Variants in TAF4 observed in about 807,000 individuals in gnomAD.
TAF4 encodes transcription initiation factor TFIID subunit 4.
Under a neutral mutation model 90.3 loss-of-function variants are expected in TAF4, and 9 were observed. The observed-to-expected ratio is 0.10, with a 90% CI of 0.06 to 0.17. The LOEUF (loss-of-function observed/expected upper bound fraction) is 0.17, where lower values mean the gene tolerates loss of function less well. Among genes scored for constraint, TAF4 ranks in the 10% least tolerant of loss-of-function variants. The pLI is 1.00. For missense variants in TAF4, 1,351 were observed against 1,370.7 expected (o/e 0.99, Z 0.23); for synonymous variants, 818 against 638.9 (o/e 1.28, Z -4.23).
chr20:62,051,466 C>G (rs192662495), intron 1 of TAF4, among the ~76,000 whole-genome samples: 4 of 152,146 alleles, frequency 2.6e-5, no homozygotes, highest in Admixed American at 2.6e-4. Context: ...CTGGGACTGC[C>G]CTCCCCAGGC....
chr20:61,998,238 T>C, intron 12 of TAF4, 46 bp from the exon 13 acceptor site: 1 of 1,575,150 alleles, frequency 6.3e-7, no homozygotes, highest in Non-Finnish European at 8.7e-7. Flanking sequence ...ATGAACTAAA[T>C]GTTTATCATT....
chr20:61,997,989 T>G, intron 13 of TAF4, 147 bp downstream of exon 13: 1 of 773,228 alleles, frequency 1.3e-6, no homozygotes, highest in Non-Finnish European at 2.0e-6. Flanking sequence ...CCTCTGATGT[T>G]GTATTTATTT....
intron 14 of TAF4, among the ~76,000 whole-genome samples, chr20:61,985,893 C>A (rs1414875670): frequency 6.6e-6 from 1 of 151,118 alleles, no homozygotes; most frequent in Non-Finnish European, 1.5e-5. Context: ...CCATCCCCGA[C>A]CAAAGGAACC....
intron 1 of TAF4, among the ~76,000 whole-genome samples, chr20:62,052,984 C>G (rs79155263): frequency 2.6e-5 from 4 of 152,104 alleles, no homozygotes; most frequent in African/African-American, 7.2e-5. Context: ...CGCCACCCCC[C>G]ACAACACCAG....
At chr20:62,049,520 C>G (rs1264729543) in intron 1 of TAF4, among the ~76,000 whole-genome samples, 3 of 152,150 alleles carry the variant, frequency 2.0e-5, no homozygotes, top group Admixed American at 1.3e-4. Flanking sequence ...CTTCAGGGGT[C>G]CCCACTGCCT....
At chr20:62,035,670 TG>T (rs2055928316) in intron 1 of TAF4, among the ~76,000 whole-genome samples, 1 of 152,142 alleles carries the variant, frequency 6.6e-6, no homozygotes, top group African/African-American at 2.4e-5. Context: ...AAAGATGACT[TG>T]AAAAAGCTTA....
intron 1 of TAF4, 193 bp downstream of exon 1, chr20:62,064,258 A>C (rs1257422820): frequency 5.7e-6 from 3 of 523,524 alleles, no homozygotes; most frequent in Admixed American, 8.8e-5. Flanking sequence ...GGCTATGCCG[A>C]CTCCCTCTGG....
intron 3 of TAF4, among the ~76,000 whole-genome samples, chr20:62,011,199 A>AT (rs28382063): frequency 4.3e-4 from 64 of 150,430 alleles, no homozygotes; most frequent in Middle Eastern, 3.4e-3. Flanking sequence ...ATAAGCATGG[A>AT]TTTTTTTTTT....
intron 1 of TAF4, among the ~76,000 whole-genome samples, chr20:62,059,046 C>T (rs28545731): frequency 0.54 from 78,646 of 145,228 alleles, 22,117 homozygotes; most frequent in Middle Eastern, 0.66. Flanking sequence ...TCTCCTGTCC[C>T]CACATGCGGC....
Position 62,041,654 on chromosome 20 carries a change from T to C in TAF4, c.1360+22797A>G, listed in dbSNP as rs990175267. ...AAAAAAAAAAGAAAAAAGAAAAGTA[T>C]GGCACACTGACCAGGTGCAGTAGCT... On this transcript the variant is annotated intron_variant, in intron 1 of 14. Coordinates refer to ENST00000252996, the MANE Select transcript of TAF4 (RefSeq NM_003185.4). Among the ~76,000 whole-genome samples, 46 of 150,588 alleles carry C rather than the reference T, an allele frequency of 3.1e-4. 1 individual carries two copies. The highest frequency in any genetic ancestry group is 1.0e-3 in the African/African-American group (42 of 40,784).
chr20:62,015,990 C>A (rs1331816396), intron 1 of TAF4, among the ~76,000 whole-genome samples: 1 of 152,218 alleles, frequency 6.6e-6, no homozygotes, highest in Non-Finnish European at 1.5e-5. Context: ...AAACCAAACA[C>A]CCAGCTGCAG....
Position 61,999,999 on chromosome 20 carries a change from C to T in TAF4, c.2787+125G>A, listed in dbSNP as rs111925669. 8.5e-6 allele frequency: 10 copies of T among 1,181,284 alleles called. No individual in the cohort carries two copies. In the African/African-American group the frequency reaches 1.1e-4, roughly 13 times the overall value. 73.2% of individuals were successfully genotyped at this position (1,181,284 alleles called of 1,614,324 possible). A position where few individuals can be genotyped will look rare whatever the true frequency, so the allele number is the denominator to read the frequency against. On this transcript the variant is annotated intron_variant, in intron 11 of 14. Transcript: ENST00000252996. The stretch of plus-strand genomic sequence containing the variant: ...TCCTATAAGAAATCCAAAACACGTT[C>T]GTAAGGAACATGGAGGCACTTGGGA...
chr20:62,049,346 ACAGTG>A (rs2056013038), intron 1 of TAF4, among the ~76,000 whole-genome samples: 1 of 152,122 alleles, frequency 6.6e-6, no homozygotes, highest in Non-Finnish European at 1.5e-5. Context: ...GGAGGCGCAC[ACAGTG>A]CCTGGCACCA....
chr20:62,013,906 G>GGTGTGTGTGTGTGTGTGT, intron 2 of TAF4, among the ~76,000 whole-genome samples: 2 of 107,404 alleles, frequency 1.9e-5, no homozygotes, highest in African/African-American at 3.7e-5. Context: ...GGCTGACGCG[G>GGTGTGTGTGTGTGTGTGT]GTGTGTGTGT....
rs1049540955 is a variant in TAF4, at chr20:61,997,488, G to C, written c.3090+62C>G. Reference sequence around the variant, plus strand: ...CTATGTGTGTCCGTCCCCTAGAAGAGGGTGGCTCTAAGATGTTCCCCATGT... The same window carrying C: ...CTATGTGTGTCCGTCCCCTAGAAGACGGTGGCTCTAAGATGTTCCCCATGT... On this transcript the variant is annotated intron_variant, in intron 14 of 14. Coordinates refer to ENST00000252996, the MANE Select transcript of TAF4 (RefSeq NM_003185.4). 9.0e-6 allele frequency: 13 copies of C among 1,439,026 alleles called. No individual in the cohort carries two copies. The Admixed American group carries it at 3.2e-4, about 36-fold the overall frequency. The allele number at this position is 1,439,026 out of a possible 1,614,324, so 89.1% of individuals were successfully genotyped here. A position where few individuals can be genotyped will look rare whatever the true frequency, so the allele number is the denominator to read the frequency against.
intron 14 of TAF4, among the ~76,000 whole-genome samples, chr20:61,994,203 A>G (rs1160614994): frequency 6.6e-6 from 1 of 152,180 alleles, no homozygotes; most frequent in Non-Finnish European, 1.5e-5. Flanking sequence ...GTTGTTGTTC[A>G]GAATTTCAGT....
At chr20:62,048,891 A>G (rs1212381292) in intron 1 of TAF4, among the ~76,000 whole-genome samples, 3 of 9,416 alleles carry the variant, frequency 3.2e-4, no homozygotes, top group Non-Finnish European at 6.1e-4. Flanking sequence ...CATTCCCCCC[A>G]GCCCTCTCCC....
rs757496056 is a variant in TAF4 at position 61,976,141 on chromosome 20, T to C, written c.*27A>G. The C allele has an allele frequency of 1.4e-5, 23 of 1,609,296 alleles. No individual in the cohort carries two copies. The highest frequency in any genetic ancestry group is 2.0e-5 in the Non-Finnish European group (23 of 1,176,174). ...CAAAAAGGCGTAATCTGCAAATATA[T>C]AAAAAGTCCCCAGGCGTCCTCCTGT... On this transcript the variant is annotated 3_prime_UTR_variant, in exon 15 of 15. Transcript: ENST00000252996.
intron 1 of TAF4, among the ~76,000 whole-genome samples, chr20:62,054,670 T>A (rs1214390108): frequency 6.6e-6 from 1 of 152,112 alleles, no homozygotes; most frequent in East Asian, 1.9e-4. Context: ...GCTGGCCAGA[T>A]GCACCCTATG....
Sources: allele counts gnomAD v4.1 joint callset (sites outside exome capture counted in the v4.1 genomes callset), GRCh38; gene constraint gnomAD v4.1.1; transcripts MANE v1.5; gene names NCBI Gene and HGNC (gene_info 2026-07-23, HGNC 2026-07-21).